PGS1: variants seen among roughly 807,000 people sequenced by gnomAD.
PGS1 encodes CDP-diacylglycerol--glycerol-3-phosphate 3-phosphatidyltransferase, mitochondrial.
PGS1 carries 44 observed loss-of-function variants against 58.3 expected under a neutral mutation model. That is an observed-to-expected ratio of 0.75 (90% CI 0.59 to 0.97). The LOEUF (loss-of-function observed/expected upper bound fraction) is 0.97, where lower values mean the gene tolerates loss of function less well. PGS1 is among the 50% of genes least tolerant of loss of function. The pLI is 0.00. For missense variants in PGS1, 684 were observed against 731.1 expected (o/e 0.94, Z 0.74); for synonymous variants, 330 against 311.0 (o/e 1.06, Z -0.64).
chr17:78,422,763 C>T (rs1568019928), intron 9 of PGS1, among the ~76,000 whole-genome samples: 3 of 152,056 alleles, frequency 2.0e-5, no homozygotes, highest in South Asian at 2.1e-4. Context: ...GGATTAGAGG[C>T]GTGAGCTGCT....
At chr17:78,382,947 CA>C (rs1302951707) in intron 1 of PGS1, among the ~76,000 whole-genome samples, 3 of 151,816 alleles carry the variant, frequency 2.0e-5, no homozygotes, top group Non-Finnish European at 2.9e-5. Context: ...GCCCGGCCCA[CA>C]GAATGGCCTT....
chr17:78,401,517 C>T (rs1020531319), intron 6 of PGS1, among the ~76,000 whole-genome samples: 2 of 152,250 alleles, frequency 1.3e-5, no homozygotes, highest in African/African-American at 2.4e-5. Flanking sequence ...GTGGCTCCCC[C>T]ATGGCCTTTA....
At chr17:78,413,313 T>C (rs2084887175) in intron 7 of PGS1, among the ~76,000 whole-genome samples, 1 of 152,212 alleles carries the variant, frequency 6.6e-6, no homozygotes, top group Non-Finnish European at 1.5e-5. Context: ...TTACATACTG[T>C]GTTGACTCGC....
At chr17:78,379,412 T>C (rs1469841435) in intron 1 of PGS1, among the ~76,000 whole-genome samples, 2 of 152,200 alleles carry the variant, frequency 1.3e-5, no homozygotes, top group African/African-American at 2.4e-5. Context: ...GGAAAAGTAC[T>C]GAAGTTATGT....
intron 5 of PGS1, chr17:78,399,961 G>A (rs1233266588): frequency 7.4e-5 from 19 of 255,502 alleles, no homozygotes; most frequent in Non-Finnish European, 1.0e-4. Context: ...CCCTCCCCTC[G>A]GCAGTGGGGC....
chr17:78,405,905 G>A (rs773865135), intron 7 of PGS1, among the ~76,000 whole-genome samples: 1 of 152,198 alleles, frequency 6.6e-6, no homozygotes, highest in East Asian at 1.9e-4. Context: ...GCTGTGGACT[G>A]CAGTAGGCAC....
chr17:78,411,698 G>C (rs1009734062), intron 7 of PGS1, among the ~76,000 whole-genome samples: 6 of 152,068 alleles, frequency 3.9e-5, no homozygotes, highest in African/African-American at 1.4e-4. Context: ...CAAAGGTCAG[G>C]CCCTGGGATG....
intron 1 of PGS1, among the ~76,000 whole-genome samples, chr17:78,388,836 ATT>A (rs888087787): frequency 6.6e-6 from 1 of 151,986 alleles, no homozygotes; most frequent in Non-Finnish European, 1.5e-5. Flanking sequence ...CATTGATTTA[ATT>A]TTAGCATCTT....
chr17:78,421,751 A>T (rs998414506), intron 9 of PGS1: 1 of 151,606 alleles, frequency 6.6e-6, no homozygotes, highest in African/African-American at 2.4e-5. Context: ...GGCTTAAGCA[A>T]TCTATCTGCA....
chr17:78,384,374 C>T (rs2082236046), intron 1 of PGS1, among the ~76,000 whole-genome samples: 1 of 152,134 alleles, frequency 6.6e-6, no homozygotes. Flanking sequence ...GTTTCTGGAG[C>T]CTTTCTCAGG....
chr17:78,391,181 C>T (rs2082797752), intron 1 of PGS1, among the ~76,000 whole-genome samples: 1 of 152,098 alleles, frequency 6.6e-6, no homozygotes, highest in Non-Finnish European at 1.5e-5. Flanking sequence ...CTACTGACCT[C>T]AGGTAATCTG....
intron 2 of PGS1, among the ~76,000 whole-genome samples, chr17:78,393,421 G>A (rs575571495): frequency 3.3e-5 from 5 of 152,180 alleles, no homozygotes; most frequent in East Asian, 3.8e-4. Flanking sequence ...TGTGGACCAC[G>A]GGAAGGGAGG....
chr17:78,394,754 C>T (rs902566503), intron 2 of PGS1, among the ~76,000 whole-genome samples: 2 of 152,074 alleles, frequency 1.3e-5, no homozygotes, highest in African/African-American at 4.8e-5. Flanking sequence ...AGGGTTTCTC[C>T]ATGTTGGCCA....
rs767465456 is a variant in PGS1 at position 78,400,698 on chromosome 17, C to T, written c.723C>T (p.Tyr241=). 2 of 1,613,832 alleles carry T rather than the reference C, an allele frequency of 1.2e-6. No homozygotes were observed. The highest frequency in any genetic ancestry group is 1.7e-6 in the Non-Finnish European group (2 of 1,179,948). The change falls in exon 6 of 10, where the codon TAC becomes TAT. Residue 241 remains tyrosine (Y), a synonymous_variant. Coordinates refer to ENST00000262764, the MANE Select transcript of PGS1 (RefSeq NM_024419.5). The surrounding 1 kb of genome is among the most constrained non-coding windows in gnomAD (Gnocchi z 4.4). ...ILSGANLSDS[Y]FTNRQDRYVF... ...GTAGTGCAAACCTGAGTGACTCCTA[C>T]TTCACCAACCGCCAGGACCGCTACG...
At chr17:78,421,591 T>C (rs1018191601) in intron 9 of PGS1, 15 of 152,258 alleles carry the variant, frequency 9.9e-5, no homozygotes, top group African/African-American at 3.6e-4. Flanking sequence ...CAACTAGTTA[T>C]TACGGTGTCC....
chr17:78,392,390 C>G, intron 1 of PGS1, 86 bp from the exon 2 acceptor site: 2 of 944,416 alleles, frequency 2.1e-6, no homozygotes, highest in Non-Finnish European at 3.2e-6. Flanking sequence ...CCCAGCCCCT[C>G]TTCACTCCCC....
Position 78,403,585 on chromosome 17 carries a change from T to G in PGS1, c.898T>G (p.Cys300Gly). 1 of 1,612,388 alleles carries G rather than the reference T, an allele frequency of 6.2e-7. No individual in the cohort carries two copies. Among genetic ancestry groups the G allele is most frequent in the Non-Finnish European group, 8.5e-7 (1 of 1,178,556 alleles). Reference sequence around the variant, plus strand: ...TTCCCCAGGGGACCGGGCCGAGTACTGCAAGGCAGCCAATAAGAGGGTCAT... The same window carrying G: ...TTCCCCAGGGGACCGGGCCGAGTACGGCAAGGCAGCCAATAAGAGGGTCAT... The part of the protein sequence containing the change: ...HPYKGDRAEY[C>G]KAANKRVMDV... The change falls in exon 7 of 10, where the codon TGC becomes GGC. Residue 300 changes from cysteine to glycine, a missense_variant. By Grantham distance (159) the Cys-to-Gly change is radical (BLOSUM62 -3). Coordinates refer to ENST00000262764, the MANE Select transcript of PGS1 (RefSeq NM_024419.5).
At position 78,424,152 on chromosome 17, in the gene PGS1, C is replaced by T. The variant is rs1352032962; in HGVS notation, c.*102C>T. On this transcript the variant is annotated 3_prime_UTR_variant, in exon 10 of 10. Coordinates refer to ENST00000262764, the MANE Select transcript of PGS1 (RefSeq NM_024419.5). ...CTCCAGTCTGGGTGTCCCAGCGAGC[C>T]CCTGCAGGGACAGTATGGCTGAGGG... 6.2e-7 allele frequency: 1 copy of T among 1,609,530 alleles called. No individual in the cohort carries two copies. Among genetic ancestry groups the T allele is most frequent in the African/African-American group, 1.3e-5 (1 of 74,904 alleles).
chr17:78,404,208 A>G, intron 7 of PGS1, 119 bp downstream of exon 7: 1 of 1,151,948 alleles, frequency 8.7e-7, no homozygotes, highest in South Asian at 1.6e-5. Context: ...CTACCTTCCC[A>G]GCAGCCCTTG....
Sources: gnomAD v4.1 joint callset for allele counts (sites outside exome capture counted in the v4.1 genomes callset) on GRCh38, gnomAD v4.1.1 for gene constraint, Gnocchi (gnomAD v3.1) non-coding constraint, MANE v1.5 for transcripts, NCBI Gene and HGNC (gene_info 2026-07-23, HGNC 2026-07-21) for gene names.